The following SH2D5 variants were observed in gnomAD, a reference collection of about 807,000 sequenced individuals.
SH2D5 encodes the protein SH2 domain containing 5, also known as SH2 domain-containing protein 5.
In SH2D5, 45 loss-of-function variants were observed where a neutral mutation model predicts 48.2. That is an observed-to-expected ratio of 0.93 (90% CI 0.73 to 1.20). SH2D5 has a LOEUF of 1.20. SH2D5 is among the 50% of genes most tolerant of loss of function. The pLI is 0.00. For missense variants in SH2D5, 538 were observed against 584.1 expected, an observed-to-expected ratio of 0.92 and a Z score of 0.81; for synonymous variants, 230 against 249.8, an observed-to-expected ratio of 0.92 and a Z score of 0.75.
chr1:20,730,638 TG>T, intron 1 of SH2D5: 1 of 151,586 alleles, frequency 6.6e-6, no homozygotes, highest in Non-Finnish European at 1.5e-5. Context: ...GGAGTTGGGG[TG>T]GGGGGCTCCC....
chr1:20,727,974 A>G lies in SH2D5; in HGVS notation c.71T>C (p.Ile24Thr). 1 of 1,573,410 alleles carries G rather than the reference A, an allele frequency of 6.4e-7. No homozygotes were observed. The highest frequency in any genetic ancestry group is 8.6e-7 in the Non-Finnish European group (1 of 1,160,050). Residue 24 changes from isoleucine to threonine, a missense_variant, in exon 2 of 10, where the codon ATC becomes ACC. By Grantham distance (89) the Ile-to-Thr change is moderately conservative. Transcript: ENST00000444387. ...CCCACCCACCTGGGCAAACTTGGTGATGCACCTGGGCCGGTGAGGGGCCAG... is the reference window on the plus strand; with the variant it reads ...CCCACCCACCTGGGCAAACTTGGTGGTGCACCTGGGCCGGTGAGGGGCCAG... ...CGLAPHRPRC[I>T]TKFAQYVGSF... is the part of the protein sequence containing the mutation.
chr1:20,722,164 C>T (rs2054700030), intron 9 of SH2D5, among the ~76,000 whole-genome samples, 169 bp from the exon 10 acceptor site: 1 of 152,216 alleles, frequency 6.6e-6, no homozygotes, highest in South Asian at 2.1e-4. Flanking sequence ...CTCTCTCTTC[C>T]CAGCCTGGAT....
chr1:20,720,270 C>T lies in SH2D5; in HGVS notation c.*1522G>A, dbSNP rs959227122. On this transcript the variant is annotated 3_prime_UTR_variant, in exon 10 of 10. Coordinates refer to ENST00000444387, the MANE Select transcript of SH2D5 (RefSeq NM_001103161.2). ...TGAAAAGAAGTCCCAAAGGGCAGTT[C>T]CTTCTATCTTTTGTGACAGGATAGC... The T allele has an allele frequency of 6.6e-6, 1 of 152,376 alleles. No homozygotes were observed. Among genetic ancestry groups the T allele is most frequent in the Admixed American group, 6.5e-5 (1 of 15,314 alleles). 9.4% of individuals were successfully genotyped at this position (152,376 alleles called of 1,614,324 possible).
chr1:20,721,902 G>A lies in SH2D5; in HGVS notation c.1162C>T (p.Leu388=). 1 of 1,613,210 alleles carries A rather than the reference G, an allele frequency of 6.2e-7. No individual in the cohort carries two copies. Among genetic ancestry groups the A allele is most frequent in the South Asian group, 1.1e-5 (1 of 91,086 alleles). Residue 388 remains leucine (L), a synonymous_variant, in exon 10 of 10, where the codon CTG becomes TTG. Transcript: ENST00000444387. ...TCCTGCTCCTCGTAGGTGGGGTTCA[G>A]GCGGCCCATGTCGAGGGGACAGAAG... The part of the protein sequence containing the change: ...SLFCPLDMGR[L]NPTYEEQDCG...
rs185460935 is a variant in SH2D5, at chr1:20,729,936, G to A, written c.-42-1850C>T. ...CCTGCTTTTCTGGGCTATTGCACCC[G>A]GATCATTTTCATGTCATATCCTTTA... On this transcript the variant is annotated intron_variant, in intron 1 of 9. Coordinates refer to ENST00000444387, the MANE Select transcript of SH2D5 (RefSeq NM_001103161.2). The surrounding 1 kb of genome is among the most constrained non-coding windows in gnomAD (Gnocchi z 4.2). 7.9e-5 allele frequency among the ~76,000 whole-genome samples: 12 copies of A among 152,328 alleles called. No individual in the cohort carries two copies. Among genetic ancestry groups the A allele is most frequent in the East Asian group, 5.8e-4 (3 of 5,184 alleles).
chr1:20,723,030 C>T (rs1055224049), intron 8 of SH2D5, 115 bp from the exon 9 acceptor site: 16 of 1,045,908 alleles, frequency 1.5e-5, no homozygotes, highest in African/African-American at 9.8e-5. Context: ...ACACACGGTG[C>T]GTTGGCCGGG....
At position 20,725,980 on chromosome 1, in the gene SH2D5, G is replaced by GT; in HGVS notation, c.329dup (p.Asn110LysfsTer43). The GT allele has an allele frequency of 6.2e-7, 1 of 1,613,010 alleles. No homozygotes were observed. The highest frequency in any genetic ancestry group is 8.5e-7 in the Non-Finnish European group (1 of 1,179,924). ...AGAGCTTGCTGGCTGGGCTCCGTGG[G>GT]TTTCGAGCCATGAAGGCAAACTGGC... On this transcript the variant is annotated frameshift_variant, in exon 5 of 10. Transcript: ENST00000444387. LOFTEE classifies it high-confidence loss of function.
chr1:20,724,052 C>T, intron 7 of SH2D5, 31 bp downstream of exon 7: 1 of 1,596,936 alleles, frequency 6.3e-7, no homozygotes, highest in Non-Finnish European at 8.6e-7. Context: ...GTCCCAGGTA[C>T]ACACAGGGCA....
intron 7 of SH2D5, 105 bp from the exon 8 acceptor site, chr1:20,723,839 C>A: frequency 9.5e-7 from 1 of 1,056,148 alleles, no homozygotes; most frequent in Non-Finnish European, 1.4e-6. Flanking sequence ...AGCCTCTCTA[C>A]CCTGCTCAGC....
At chr1:20,722,139 C>G in intron 9 of SH2D5, 144 bp from the exon 10 acceptor site, 1 of 698,766 alleles carries the variant, frequency 1.4e-6, no homozygotes. Flanking sequence ...GTGGCAGAGC[C>G]AAACACCATT....
chr1:20,725,079 G>A (rs925126061), intron 5 of SH2D5, among the ~76,000 whole-genome samples: 4 of 152,198 alleles, frequency 2.6e-5, no homozygotes, highest in Non-Finnish European at 5.9e-5. Flanking sequence ...TCTGTGCCTC[G>A]GTTTCCTCAT....
chr1:20,722,764 A>G lies in SH2D5; in HGVS notation c.1060T>C (p.Cys354Arg). The part of the protein sequence containing the change: ...QVFRNHLGRY[C>R]LEHLPAEFPS... ...GGCTGCTGCGCTCTTACCTCCAAGC[A>G]GTAGCGGCCCAGGTGGTTCCGGAAG... Residue 354 changes from cysteine to arginine, a missense_variant, in exon 9 of 10, where the codon TGC becomes CGC. Transcript: ENST00000444387. 1 of 1,512,324 alleles carries G rather than the reference A, an allele frequency of 6.6e-7. No homozygotes were observed. The highest frequency in any genetic ancestry group is 8.9e-7 in the Non-Finnish European group (1 of 1,125,504). The allele number at this position is 1,512,324 out of a possible 1,614,324, so 93.7% of individuals were successfully genotyped here. A position where few individuals can be genotyped will look rare whatever the true frequency, so the allele number is the denominator to read the frequency against.
At position 20,722,790 on chromosome 1, in the gene SH2D5, A is replaced by C. The variant is rs992733871; in HGVS notation, c.1034T>G (p.Val345Gly). 6.3e-7 allele frequency: 1 copy of C among 1,576,964 alleles called. No individual in the cohort carries two copies. Among genetic ancestry groups the C allele is most frequent in the Non-Finnish European group, 8.6e-7 (1 of 1,160,062 alleles). Residue 345 changes from valine to glycine, a missense_variant, in exon 9 of 10, where the codon GTC (valine) becomes GGC (glycine). Val to Gly is a moderately radical substitution (Grantham distance 109, BLOSUM62 -3). Coordinates refer to ENST00000444387, the MANE Select transcript of SH2D5 (RefSeq NM_001103161.2). ...GTAGCGGCCCAGGTGGTTCCGGAAG[A>C]CCTGGTGGGGCACCACGCCGCACTG... ...RTQCGVVPHQ[V>G]FRNHLGRYCL...
rs1488970693 is a variant in SH2D5, at chr1:20,726,246, G to A, written c.244-180C>T. Among the ~76,000 whole-genome samples, 3 of 152,212 alleles carry A rather than the reference G, an allele frequency of 2.0e-5. 1 individual carries two copies. Among genetic ancestry groups the A allele is most frequent in the South Asian group, 4.1e-4 (2 of 4,828 alleles). On this transcript the variant is annotated intron_variant, in intron 4 of 9. Transcript: ENST00000444387. ...ACCCCCATGTGATGCTCGGCCTGCC[G>A]GGAGCACAGAGAATGGGAGTGGCAG...
rs2054862599 is a variant in SH2D5 at position 20,729,158 on chromosome 1, C to A, written c.-42-1072G>T. On this transcript the variant is annotated intron_variant, in intron 1 of 9. Coordinates refer to ENST00000444387, the MANE Select transcript of SH2D5 (RefSeq NM_001103161.2). The surrounding 1 kb of genome is among the most constrained non-coding windows in gnomAD (Gnocchi z 4.2). ...GGGAACACACTATTTCCCATGAGAG[C>A]CCAGGACACAGCTGGTGTTCAATTA... Among the ~76,000 whole-genome samples, 1 of 152,184 alleles carries A rather than the reference C, an allele frequency of 6.6e-6. No individual in the cohort carries two copies.
At position 20,732,285 on chromosome 1, in the gene SH2D5, A is replaced by C; in HGVS notation, c.-147T>G. On this transcript the variant is annotated 5_prime_UTR_variant, in exon 1 of 10. Transcript: ENST00000444387. This position sits in a 1 kb window ranked among gnomAD's most constrained non-coding sequence, Gnocchi z 5.1. ...CCGGCGCTCCGCCTGGAAGGGCGGG[A>C]GGGGCTCGCCCGGAGCTCAGAAGGC... The C allele has an allele frequency of 6.6e-6, 1 of 152,044 alleles. No homozygotes were observed. Among genetic ancestry groups the C allele is most frequent in the South Asian group, 2.1e-4 (1 of 4,832 alleles). The allele number at this position is 152,044 out of a possible 1,614,324, so 9.4% of individuals were successfully genotyped here. A position where few individuals can be genotyped will look rare whatever the true frequency, so the allele number is the denominator to read the frequency against.
Position 20,726,038 on chromosome 1 carries a change from C to A in SH2D5, c.272G>T (p.Arg91Leu), listed in dbSNP as rs762503782. ...AGGGCACCAGGTGGAGTAGAGTATG[C>A]GCCTCAGGGCATGAGCCATCAGCAG... ...EVLLMAHALR[R>L]ILYSTWCPAD... Residue 91 changes from arginine (R) to leucine (L), a missense_variant, in exon 5 of 10, where the codon CGC (arginine) becomes CTC (leucine). Coordinates refer to ENST00000444387, the MANE Select transcript of SH2D5 (RefSeq NM_001103161.2). 1.2e-5 allele frequency: 20 copies of A among 1,608,032 alleles called. No individual in the cohort carries two copies. Among genetic ancestry groups the A allele is most frequent in the Non-Finnish European group, 1.6e-5 (19 of 1,177,744 alleles).
In SH2D5 at chr1:20,728,082, G is replaced by T. The variant is rs1054883529; in HGVS notation, c.-38C>A. The T allele has an allele frequency of 1.4e-6, 2 of 1,454,056 alleles. No individual in the cohort carries two copies. Among genetic ancestry groups the T allele is most frequent in the South Asian group, 2.4e-5 (2 of 82,286 alleles). 90.1% of individuals were successfully genotyped at this position (1,454,056 alleles called of 1,614,324 possible). On this transcript the variant is annotated 5_prime_UTR_variant, in exon 2 of 10. Coordinates refer to ENST00000444387, the MANE Select transcript of SH2D5 (RefSeq NM_001103161.2). The surrounding 1 kb of genome is among the most constrained non-coding windows in gnomAD (Gnocchi z 4.3). ...GCCTGGCTTCCAGCTCCACGGGAGG[G>T]GAGGCTGCAAAGGGCAGGGGGGGAA...
Position 20,728,184 on chromosome 1 carries a change from A to G in SH2D5, c.-42-98T>C, listed in dbSNP as rs1336789228. 1.6e-6 allele frequency: 1 copy of G among 640,416 alleles called. No homozygotes were observed. Among genetic ancestry groups the G allele is most frequent in the African/African-American group, 1.8e-5 (1 of 54,210 alleles). 39.7% of individuals were successfully genotyped at this position (640,416 alleles called of 1,614,324 possible). ...TTCACTGGCTTCCTGAGCAGCTGCT[A>G]TGTGTGCAGCACGGCTGCGCAATGT... On this transcript the variant is annotated intron_variant, in intron 1 of 9. Coordinates refer to ENST00000444387, the MANE Select transcript of SH2D5 (RefSeq NM_001103161.2). The surrounding 1 kb of genome is among the most constrained non-coding windows in gnomAD (Gnocchi z 4.3).
Sources: allele counts gnomAD v4.1 joint callset (sites outside exome capture counted in the v4.1 genomes callset), GRCh38; gene constraint gnomAD v4.1.1; non-coding constraint Gnocchi (gnomAD v3.1); transcripts MANE v1.5; gene names NCBI Gene and HGNC (gene_info 2026-07-23, HGNC 2026-07-21).